The following ANK2 variants were observed in gnomAD, a reference collection of about 807,000 sequenced individuals.
ANK2 encodes the protein ankyrin 2.
ANK2 carries 83 observed loss-of-function variants against 360.5 expected under a neutral mutation model. The ratio of observed to expected loss-of-function variants is 0.23; its 90% CI spans 0.19 to 0.28. The LOEUF is 0.28. Among genes scored for constraint, ANK2 ranks in the 10% least tolerant of loss-of-function variants. ANK2 has a pLI of 1.00. For missense variants in ANK2, 4,201 were observed against 4,795.7 expected (o/e 0.88, Z 3.66); for synonymous variants, 1,740 against 1,759.5 (o/e 0.99, Z 0.28).
At chr4:112,998,734 T>C (rs1398613520) in intron 2 of ANK2, among the ~76,000 whole-genome samples, 1 of 152,204 alleles carries the variant, frequency 6.6e-6, no homozygotes. Context: ...CTGAGAACCT[T>C]CCATATGTCA....
At chr4:113,236,006 G>A (rs1473337647) in intron 5 of ANK2, among the ~76,000 whole-genome samples, 4 of 151,908 alleles carry the variant, frequency 2.6e-5, no homozygotes, top group Non-Finnish European at 4.4e-5. Context: ...CCAAAGTGCT[G>A]GGATTACAGG....
At chr4:113,189,088 A>G (rs183203645) in intron 2 of ANK2, among the ~76,000 whole-genome samples, 354 of 152,356 alleles carry the variant, frequency 2.3e-3, no homozygotes, top group Non-Finnish European at 3.8e-3. Context: ...GAAGATAAAC[A>G]GGAAACACAC....
intron 24 of ANK2, among the ~76,000 whole-genome samples, chr4:113,312,350 A>G (rs911180879): frequency 2.6e-5 from 4 of 152,076 alleles, no homozygotes; most frequent in African/African-American, 9.7e-5. Context: ...CAATAATCTC[A>G]GGTTTATAGT....
chr4:112,843,362 ATC>A (rs1404415854), intron 1 of ANK2, among the ~76,000 whole-genome samples: 6 of 152,196 alleles, frequency 3.9e-5, no homozygotes, highest in African/African-American at 1.2e-4. Flanking sequence ...CTCCATTAAG[ATC>A]TCACATTTGA....
intron 1 of ANK2, among the ~76,000 whole-genome samples, chr4:113,156,154 G>T (rs1454056812): frequency 6.6e-6 from 1 of 152,020 alleles, no homozygotes; most frequent in East Asian, 1.9e-4. Context: ...GAATATTAAA[G>T]GCACCAGTTC....
At chr4:113,249,883 T>A in intron 10 of ANK2, 21 bp downstream of exon 10, 1 of 1,601,974 alleles carries the variant, frequency 6.2e-7, no homozygotes, top group Non-Finnish European at 8.5e-7. Flanking sequence ...ATGAGTAAGA[T>A]GGGGTCCTAA....
At chr4:113,379,080 C>CCCA (rs1380748233) in intron 45 of ANK2, among the ~76,000 whole-genome samples, 2 of 152,068 alleles carry the variant, frequency 1.3e-5, no homozygotes, top group Non-Finnish European at 2.9e-5. Context: ...CACAATTCCA[C>CCCA]CCACCAATCA....
chr4:113,302,430 T>A (rs2075444343), intron 22 of ANK2, among the ~76,000 whole-genome samples: 1 of 152,230 alleles, frequency 6.6e-6, no homozygotes, highest in African/African-American at 2.4e-5. Context: ...CGTCACTTAG[T>A]TCATTTTAGG....
In ANK2 at chr4:113,250,758, C is replaced by CCCCG. The variant is rs1554340045; in HGVS notation, c.990+899_990+900insGCCC. On this transcript the variant is annotated intron_variant, in intron 10 of 45. Transcript: ENST00000357077. The stretch of plus-strand genomic sequence containing the variant: ...TTCCATTCCACCTCATACCACCGCC[C>CCCCG]CCCCCCCCGACAGAGTTGGTATCAA... 1.1e-4 allele frequency among the ~76,000 whole-genome samples: 14 copies of CCCCG among 132,276 alleles called. 2 individuals are homozygous for CCCCG. The highest frequency in any genetic ancestry group is 3.0e-4 in the Admixed American group (4 of 13,278). 86.8% of individuals were successfully genotyped at this position (132,276 alleles called of 152,430 possible).
rs538115681 is a variant in ANK2, at chr4:113,276,578, G to A, written c.1684-1259G>A. Among the ~76,000 whole-genome samples the A allele has an allele frequency of 1.2e-4, 19 of 152,248 alleles. No homozygotes were observed. The South Asian group carries it at 3.9e-3, about 32-fold the overall frequency. On this transcript the variant is annotated intron_variant, in intron 15 of 45. Transcript: ENST00000357077. The stretch of plus-strand genomic sequence containing the variant: ...TCACCCTAATCATTGTGTGCATTGA[G>A]TGGAGGGAGGAGAGCTCTAACCACA...
chr4:113,337,717 A>G (rs2093727056), intron 31 of ANK2, among the ~76,000 whole-genome samples: 1 of 152,276 alleles, frequency 6.6e-6, no homozygotes, highest in African/African-American at 2.4e-5. Context: ...CCACGAGATT[A>G]TTCCATAAGT....
chr4:113,233,106 GTTTTTTTTTTTTTTTTTTTTTTTTTTTT>G lies in ANK2; in HGVS notation c.483+866_483+893del, dbSNP rs1156385030. The stretch of plus-strand genomic sequence containing the variant: ...CAGAGTATATGGGCTTGGCTTTTCT[GTTTTTTTTTTTTTTTTTTTTTTTTTTTT>G]TTTTTTTTTTTTTTTTTTGAGACGG... On this transcript the variant is annotated intron_variant, in intron 5 of 45. Coordinates refer to ENST00000357077, the MANE Select transcript of ANK2 (RefSeq NM_001148.6). 3.3e-4 allele frequency among the ~76,000 whole-genome samples: 26 copies of G among 79,708 alleles called. 1 individual carries two copies. Among genetic ancestry groups the G allele is most frequent in the East Asian group, 1.8e-3 (5 of 2,732 alleles). 52.3% of individuals were successfully genotyped at this position (79,708 alleles called of 152,430 possible). A position where few individuals can be genotyped will look rare whatever the true frequency, so the allele number is the denominator to read the frequency against.
the ANK2 span, among the ~76,000 whole-genome samples, chr4:112,710,923 A>ATATATG: frequency 2.2e-5 from 3 of 138,586 alleles, no homozygotes; most frequent in African/African-American, 5.6e-5. Flanking sequence ...ATATATATAT[A>ATATATG]TGTATATATG....
chr4:113,108,835 A>G (rs7677441), intron 1 of ANK2, among the ~76,000 whole-genome samples: 29,710 of 152,108 alleles, frequency 0.2, 2,962 homozygotes, highest in Non-Finnish European at 0.22. Flanking sequence ...TTTGGTTTTC[A>G]TAAAAAGCTT....
chr4:112,753,717 T>C, the ANK2 span, among the ~76,000 whole-genome samples: 1 of 152,192 alleles, frequency 6.6e-6, no homozygotes, highest in Non-Finnish European at 1.5e-5. Context: ...CATGACAGTT[T>C]ACAAATGCCA....
chr4:112,796,305 C>T, the ANK2 span, among the ~76,000 whole-genome samples: 1 of 151,920 alleles, frequency 6.6e-6, no homozygotes. Flanking sequence ...TGCCTGTAAT[C>T]CCAGCTACTC....
intron 1 of ANK2, among the ~76,000 whole-genome samples, chr4:113,088,458 T>C (rs1204244723): frequency 6.6e-6 from 1 of 152,218 alleles, no homozygotes; most frequent in Non-Finnish European, 1.5e-5. Flanking sequence ...CGTTTACCTA[T>C]ATAAAGTGGA....
chr4:113,374,786 T>C, intron 45 of ANK2: 1 of 1,159,082 alleles, frequency 8.6e-7, no homozygotes, highest in Non-Finnish European at 1.1e-6. Flanking sequence ...GAGCCCAGCA[T>C]TTTGTCCAGT....
intron 1 of ANK2, among the ~76,000 whole-genome samples, chr4:113,105,007 A>G (rs2093437478): frequency 6.6e-6 from 1 of 152,048 alleles, no homozygotes; most frequent in African/African-American, 2.4e-5. Flanking sequence ...GACTCCAGGA[A>G]ATAGGTGAGA....
Sources: allele counts gnomAD v4.1 joint callset (sites outside exome capture counted in the v4.1 genomes callset), GRCh38; gene constraint gnomAD v4.1.1; transcripts MANE v1.5; gene names NCBI Gene and HGNC (gene_info 2026-07-23, HGNC 2026-07-21).